MYO1E: variants seen among roughly 807,000 people sequenced by gnomAD.
The protein encoded by MYO1E is myosin IE.
Under a neutral mutation model 151.1 loss-of-function variants are expected in MYO1E, and 68 were observed. That is an observed-to-expected ratio of 0.45 (90% CI 0.37 to 0.55). MYO1E has a LOEUF of 0.55. MYO1E is among the 20% of genes least tolerant of loss of function. MYO1E has a pLI of 0.00. For missense variants in MYO1E, 1,363 were observed against 1,389.3 expected (o/e 0.98, Z 0.30); for synonymous variants, 601 against 501.7 (o/e 1.20, Z -2.64).
At chr15:59,219,105 T>C (rs1165835740) in intron 9 of MYO1E, among the ~76,000 whole-genome samples, 1 of 152,244 alleles carries the variant, frequency 6.6e-6, no homozygotes, top group Non-Finnish European at 1.5e-5. Flanking sequence ...GTTCATATCC[T>C]GCCCTAATGT....
intron 1 of MYO1E, among the ~76,000 whole-genome samples, chr15:59,354,863 A>T (rs1567023253): frequency 6.6e-6 from 1 of 152,156 alleles, no homozygotes; most frequent in Non-Finnish European, 1.5e-5. Flanking sequence ...TTCCCTCCAC[A>T]GCTACCCCCT....
intron 1 of MYO1E, among the ~76,000 whole-genome samples, chr15:59,281,567 C>T (rs1381080326): frequency 2.0e-5 from 3 of 152,106 alleles, no homozygotes; most frequent in African/African-American, 7.2e-5. Context: ...TGAGCCACCG[C>T]GCCCGGCCCC....
chr15:59,355,403 T>C (rs1368136501), intron 1 of MYO1E, among the ~76,000 whole-genome samples: 1 of 152,154 alleles, frequency 6.6e-6, no homozygotes, highest in African/African-American at 2.4e-5. Context: ...ACAGGTTACC[T>C]ACTCCTGCCA....
At chr15:59,354,785 C>T (rs2080844467) in intron 1 of MYO1E, among the ~76,000 whole-genome samples, 1 of 152,018 alleles carries the variant, frequency 6.6e-6, no homozygotes, top group Non-Finnish European at 1.5e-5. Flanking sequence ...ATTACCTAGC[C>T]TCTCAATTGA....
chr15:59,216,149 T>C (rs1030624116), intron 10 of MYO1E, among the ~76,000 whole-genome samples: 3 of 152,168 alleles, frequency 2.0e-5, no homozygotes, highest in South Asian at 4.1e-4. Flanking sequence ...ATCTTTTGGA[T>C]TGAATGGCCC....
At chr15:59,241,373 AACT>A (rs1285230239) in intron 4 of MYO1E, among the ~76,000 whole-genome samples, 7 of 152,166 alleles carry the variant, frequency 4.6e-5, no homozygotes, top group African/African-American at 1.2e-4. Context: ...AAGAAACAAC[AACT>A]ATAATAATAA....
At chr15:59,254,946 C>T (rs1290632909) in intron 4 of MYO1E, among the ~76,000 whole-genome samples, 1 of 152,124 alleles carries the variant, frequency 6.6e-6, no homozygotes, top group Non-Finnish European at 1.5e-5. Context: ...CTGCCTCAGC[C>T]TCCTGAGTAT....
chr15:59,334,258 T>C (rs2080715148), intron 1 of MYO1E, among the ~76,000 whole-genome samples: 1 of 152,174 alleles, frequency 6.6e-6, no homozygotes, highest in African/African-American at 2.4e-5. Flanking sequence ...CACTCCAGCC[T>C]GGGTAACCAA....
chr15:59,370,099 C>G (rs772882931), intron 1 of MYO1E, among the ~76,000 whole-genome samples: 1 of 152,218 alleles, frequency 6.6e-6, no homozygotes, highest in East Asian at 1.9e-4. Flanking sequence ...GCGTGAGCCA[C>G]TGCGCCTGGC....
chr15:59,180,741 T>C (rs2079653356), intron 18 of MYO1E, among the ~76,000 whole-genome samples: 1 of 152,150 alleles, frequency 6.6e-6, no homozygotes, highest in Non-Finnish European at 1.5e-5. Flanking sequence ...ACACATGTTC[T>C]CCTACCAAGT....
intron 21 of MYO1E, among the ~76,000 whole-genome samples, chr15:59,172,865 T>C (rs2079603607): frequency 6.6e-6 from 1 of 152,274 alleles, no homozygotes; most frequent in Non-Finnish European, 1.5e-5. Flanking sequence ...AGCACCCCTG[T>C]GTGCATCCAG....
At chr15:59,140,473 C>T (rs2079402549) in intron 26 of MYO1E, among the ~76,000 whole-genome samples, 1 of 152,222 alleles carries the variant, frequency 6.6e-6, no homozygotes, top group South Asian at 2.1e-4. Context: ...ACATTCATTT[C>T]CCTACAAAAC....
At chr15:59,277,548 C>CAAA (rs1166969756) in intron 1 of MYO1E, among the ~76,000 whole-genome samples, 33 of 42,802 alleles carry the variant, frequency 7.7e-4, no homozygotes, top group East Asian at 2.9e-3. Flanking sequence ...CATCCCCCCA[C>CAAA]AAAAAAAAAA....
chr15:59,199,227 G>T (rs1185706867), intron 16 of MYO1E, among the ~76,000 whole-genome samples: 1 of 152,088 alleles, frequency 6.6e-6, no homozygotes, highest in East Asian at 1.9e-4. Flanking sequence ...CTCCTGAGTA[G>T]CTGGCATTAC....
intron 7 of MYO1E, 87 bp from the exon 8 acceptor site, chr15:59,224,910 G>C: frequency 6.4e-7 from 1 of 1,566,376 alleles, no homozygotes; most frequent in Non-Finnish European, 8.8e-7. Context: ...CCATCCCTAA[G>C]GACTTTCTAT....
intron 4 of MYO1E, among the ~76,000 whole-genome samples, chr15:59,247,754 C>T (rs1454302780): frequency 6.6e-6 from 1 of 152,120 alleles, no homozygotes; most frequent in Non-Finnish European, 1.5e-5. Context: ...GGAGGTGGAG[C>T]CTACATATCT....
intron 22 of MYO1E, among the ~76,000 whole-genome samples, chr15:59,170,012 T>G (rs1466459956): frequency 6.6e-6 from 1 of 151,852 alleles, no homozygotes; most frequent in Non-Finnish European, 1.5e-5. Context: ...AATACAAACA[T>G]TAGCCAGGGG....
rs2079357708 is a variant in MYO1E at position 59,133,935 on chromosome 15, C to A, written c.*3445G>T. 6.6e-6 allele frequency: 1 copy of A among 152,248 alleles called. No individual in the cohort carries two copies. Among genetic ancestry groups the A allele is most frequent in the Non-Finnish European group, 1.5e-5 (1 of 68,072 alleles). 9.4% of individuals were successfully genotyped at this position (152,248 alleles called of 1,614,324 possible). A position where few individuals can be genotyped will look rare whatever the true frequency, so the allele number is the denominator to read the frequency against. ...ATTTAGATTATGTAAAAGCCATGCT[C>A]TATGGAAGCCCATGGAGTTTGTAAT... On this transcript the variant is annotated 3_prime_UTR_variant, in exon 28 of 28. Coordinates refer to ENST00000288235, the MANE Select transcript of MYO1E (RefSeq NM_004998.4).
intron 1 of MYO1E, among the ~76,000 whole-genome samples, chr15:59,315,017 A>T (rs1311855565): frequency 6.6e-6 from 1 of 152,166 alleles, no homozygotes; most frequent in Non-Finnish European, 1.5e-5. Context: ...GCACCAGCTC[A>T]ATTTTTAATA....
Sources: gnomAD v4.1 joint callset for allele counts (sites outside exome capture counted in the v4.1 genomes callset) on GRCh38, gnomAD v4.1.1 for gene constraint, MANE v1.5 for transcripts, NCBI Gene and HGNC (gene_info 2026-07-23, HGNC 2026-07-21) for gene names.